Variants in PITRM1 observed in about 807,000 individuals in gnomAD.
PITRM1 encodes presequence protease, mitochondrial.
Under a neutral mutation model 129.9 loss-of-function variants are expected in PITRM1, and 100 were observed. That is an observed-to-expected ratio of 0.77 (90% CI 0.65 to 0.91). The LOEUF is 0.91. Ranked by LOEUF, PITRM1 falls within the 40% of genes least tolerant of loss-of-function variation. The probability of loss-of-function intolerance (pLI) is 0.00; values close to 1 mark genes in which losing one functional copy is unlikely to be tolerated. For missense variants in PITRM1, 1,471 were observed against 1,318.3 expected, an observed-to-expected ratio of 1.12 and a Z score of -1.79; for synonymous variants, 591 against 508.8, an observed-to-expected ratio of 1.16 and a Z score of -2.17.
rs760895144 is a variant in PITRM1, at chr10:3,166,246, A to G, written c.401T>C (p.Phe134Ser). The change falls in exon 4 of 27, where the codon TTC becomes TCC. Residue 134 changes from phenylalanine (F) to serine (S), a missense_variant. Transcript: ENST00000224949. The part of the protein sequence containing the change: ...FKMLNRSLST[F>S]MNAFTASDYT... Reference sequence around the variant, plus strand: ...GGTCTTACCTGTGAAGGCGTTCATGAACGTGGAGAGGGACCGGTTCAACAT... The same window carrying G: ...GGTCTTACCTGTGAAGGCGTTCATGGACGTGGAGAGGGACCGGTTCAACAT... 6.2e-7 allele frequency: 1 copy of G among 1,612,018 alleles called. No individual in the cohort carries two copies. Among genetic ancestry groups the G allele is most frequent in the African/African-American group, 1.3e-5 (1 of 74,852 alleles).
intron 13 of PITRM1, 59 bp downstream of exon 13, chr10:3,156,871 T>C: frequency 8.8e-7 from 1 of 1,135,434 alleles, no homozygotes; most frequent in South Asian, 1.9e-5. Flanking sequence ...CTAATATTCC[T>C]TTCATTAGTA....
rs911998202 is a variant in PITRM1, at chr10:3,147,737, G to T, written c.2070C>A (p.Asn690Lys). The T allele has an allele frequency of 1.9e-6, 3 of 1,577,222 alleles. No individual in the cohort carries two copies. The highest frequency in any genetic ancestry group is 1.4e-5 in the African/African-American group (1 of 73,032). ...AGTGCTCCTCTTCTTCAAAGCACGG[G>T]CTATGGAAAAAGGAGAAGAAAAAAT... ...MMQLWSEIFNNPCFEEEEHFK... is the reference protein window; with the variant it reads ...MMQLWSEIFNKPCFEEEEHFK... Residue 690 changes from asparagine (N) to lysine (K), a missense_variant and splice_region_variant, in exon 19 of 27, where the codon AAC becomes AAA. Transcript: ENST00000224949.
chr10:3,163,104 T>C (rs571850908), intron 7 of PITRM1: 2 of 152,346 alleles, frequency 1.3e-5, no homozygotes, highest in Admixed American at 6.5e-5. Context: ...GATAAGTGTT[T>C]AGGGGCTCAT....
chr10:3,144,163 A>G lies in PITRM1; in HGVS notation c.2532+129T>C, dbSNP rs74476431. On this transcript the variant is annotated intron_variant, in intron 22 of 26. Transcript: ENST00000224949. Reference sequence around the variant, plus strand: ...GTGGCAGTGACAAAGGATGCACTGAACTCGCAACTCTAGGGACACGCCAGC... The same window carrying G: ...GTGGCAGTGACAAAGGATGCACTGAGCTCGCAACTCTAGGGACACGCCAGC... The G allele has an allele frequency of 5.9e-3, 3,746 of 631,342 alleles. 70 individuals are homozygous for G. Among genetic ancestry groups the G allele is most frequent in the African/African-American group, 0.049 (2,680 of 54,388 alleles). The allele number at this position is 631,342 out of a possible 1,614,324, so 39.1% of individuals were successfully genotyped here.
rs1839899089 is a variant in PITRM1 at position 3,138,931 on chromosome 10, C to A, written c.2890G>T (p.Asp964Tyr). ...TTGTCTGAAGGAGCGACAGGAGCAT[C>A]TACGGTTGAGAAGACAGAAAGTTTG... ...EAKLSVFSTV[D>Y]APVAPSDKGM... Residue 964 changes from aspartate (D) to tyrosine (Y), a missense_variant, in exon 25 of 27, where the codon GAT becomes TAT. Physicochemically the swap from Asp to Tyr is radical, Grantham distance 160. Transcript: ENST00000224949. The A allele has an allele frequency of 1.9e-6, 3 of 1,613,884 alleles. No individual in the cohort carries two copies. The highest frequency in any genetic ancestry group is 2.5e-6 in the Non-Finnish European group (3 of 1,179,868).
chr10:3,170,724 G>C (rs1050368983), intron 1 of PITRM1, among the ~76,000 whole-genome samples: 1 of 152,180 alleles, frequency 6.6e-6, no homozygotes, highest in African/African-American at 2.4e-5. Context: ...GGCCGGGCGT[G>C]GTGGCTTACG....
At chr10:3,171,173 A>AAAAAAAAAAAAAAAAAAAAAAAT (rs1843318667) in intron 1 of PITRM1, among the ~76,000 whole-genome samples, 1 of 144,792 alleles carries the variant, frequency 6.9e-6, no homozygotes, top group Non-Finnish European at 1.5e-5. Flanking sequence ...AAAAAAAAAA[A>AAAAAAAAAAAAAAAAAAAAAAAT]AAAAAAAAAA....
At chr10:3,166,126 A>C (rs1342599316) in intron 4 of PITRM1, 103 bp downstream of exon 4, 1 of 968,214 alleles carries the variant, frequency 1.0e-6, no homozygotes, top group African/African-American at 1.7e-5. Flanking sequence ...TTTCTAGAAC[A>C]TGAATTGCCC....
intron 1 of PITRM1, chr10:3,172,287 G>T: frequency 2.1e-6 from 1 of 480,144 alleles, no homozygotes; most frequent in South Asian, 1.5e-5. Flanking sequence ...TCAATTCCGG[G>T]AGGCGTCAGT....
chr10:3,158,820 G>C (rs1189493068), intron 10 of PITRM1, 94 bp downstream of exon 10: 5 of 1,192,268 alleles, frequency 4.2e-6, no homozygotes, highest in Non-Finnish European at 6.0e-6. Context: ...TCCAGACACT[G>C]TCAAGTGTGG....
At chr10:3,139,320 ACCT>A (rs1839947258) in intron 24 of PITRM1, among the ~76,000 whole-genome samples, 1 of 152,218 alleles carries the variant, frequency 6.6e-6, no homozygotes, top group East Asian at 1.9e-4. Context: ...CTTCTCTGTG[ACCT>A]CATCAGGAGA....
Position 3,166,991 on chromosome 10 carries a change from C to A in PITRM1, c.211G>T (p.Asp71Tyr). 6.2e-7 allele frequency: 1 copy of A among 1,611,376 alleles called. No individual in the cohort carries two copies. The highest frequency in any genetic ancestry group is 8.5e-7 in the Non-Finnish European group (1 of 1,178,714). Reference protein sequence around the residue: ...FLTAVKLTHDDTGARYLHLAR... With the variant: ...FLTAVKLTHDYTGARYLHLAR... ...AGGTGTAAATACCTGGCTCCTGTGTCATCATGGGTGAGCTTCACTGCAGTC... is the reference window on the plus strand; with the variant it reads ...AGGTGTAAATACCTGGCTCCTGTGTAATCATGGGTGAGCTTCACTGCAGTC... The change falls in exon 3 of 27, where the codon GAC (aspartate) becomes TAC (tyrosine). Residue 71 changes from aspartate (D) to tyrosine (Y), a missense_variant. By Grantham distance (160) the Asp-to-Tyr change is radical. Coordinates refer to ENST00000224949, the MANE Select transcript of PITRM1 (RefSeq NM_014889.4).
chr10:3,172,115 C>T (rs1211756251), intron 1 of PITRM1: 1 of 452,808 alleles, frequency 2.2e-6, no homozygotes, highest in East Asian at 7.0e-5. Flanking sequence ...AGCGGTAAGG[C>T]CAGGCCGAAC....
chr10:3,169,337 C>T (rs1392851800), intron 2 of PITRM1, among the ~76,000 whole-genome samples: 1 of 152,198 alleles, frequency 6.6e-6, no homozygotes, highest in Non-Finnish European at 1.5e-5. Context: ...CAGCCACGTT[C>T]TCACACCACC....
intron 9 of PITRM1, 133 bp downstream of exon 9, chr10:3,159,715 A>C: frequency 1.8e-6 from 1 of 560,276 alleles, no homozygotes; most frequent in Non-Finnish European, 3.1e-6. Flanking sequence ...CTCTATTCCT[A>C]AAATCCACTT....
Position 3,148,041 on chromosome 10 carries a change from CAG to C in PITRM1, c.2013_2014del (p.Cys672ProfsTer14), listed in dbSNP as rs771131701. ...CATGTCTGGCAGGTTTCGATCCAGG[CAG>C]AGAGAGGAGAAAAGCACACCCTGAA... is the stretch of plus-strand genomic sequence containing the variant. On this transcript the variant is annotated frameshift_variant, in exon 18 of 27. Coordinates refer to ENST00000224949, the MANE Select transcript of PITRM1 (RefSeq NM_014889.4). LOFTEE classifies it high-confidence loss of function. 1.5e-5 allele frequency: 24 copies of C among 1,613,676 alleles called. No homozygotes were observed. The highest frequency in any genetic ancestry group is 2.7e-5 in the African/African-American group (2 of 74,900).
At chr10:3,167,292 C>T (rs988715898) in intron 2 of PITRM1, among the ~76,000 whole-genome samples, 4 of 150,058 alleles carry the variant, frequency 2.7e-5, no homozygotes, top group Admixed American at 6.6e-5. Context: ...AGAGAGCGAG[C>T]GAGCGAGCGA....
rs1317516809 is a variant in PITRM1, at chr10:3,149,602, G to C, written c.1871+19C>G. 1 of 1,534,906 alleles carries C rather than the reference G, an allele frequency of 6.5e-7. No individual in the cohort carries two copies. The highest frequency in any genetic ancestry group is 1.4e-5 in the African/African-American group (1 of 71,792). ...AGCAGACATTAATAAGACACACAAG[G>C]GTATGTTGCGACTCGTACTTGGTGA... On this transcript the variant is annotated intron_variant, in intron 16 of 26. Transcript: ENST00000224949.
Position 3,140,776 on chromosome 10 carries a change from G to T in PITRM1, c.2682C>A (p.Phe894Leu). 3.8e-6 allele frequency: 6 copies of T among 1,591,408 alleles called. No individual in the cohort carries two copies. The highest frequency in any genetic ancestry group is 4.3e-6 in the Non-Finnish European group (5 of 1,167,518). The change falls in exon 24 of 27, where the codon TTC (phenylalanine) becomes TTA (leucine). Residue 894 changes from phenylalanine to leucine, a missense_variant. Transcript: ENST00000224949. Reference sequence around the variant, plus strand: ...CTTTTTCTCGAATTTCTGTATGCAAGAATTTGGCAGTCATCAAACGTGCAA... The same window carrying T: ...CTTTTTCTCGAATTTCTGTATGCAATAATTTGGCAGTCATCAAACGTGCAA... ...KILARLMTAKFLHTEIREKGG... is the reference protein window; with the variant it reads ...KILARLMTAKLLHTEIREKGG...
Sources: gnomAD v4.1 joint callset for allele counts (sites outside exome capture counted in the v4.1 genomes callset) on GRCh38, gnomAD v4.1.1 for gene constraint, MANE v1.5 for transcripts, NCBI Gene and HGNC (gene_info 2026-07-23, HGNC 2026-07-21) for gene names.